Variants in INSL6 observed in about 807,000 individuals in gnomAD.
The protein encoded by INSL6 is insulin like 6, also known as insulin-like peptide INSL6.
A neutral mutation model predicts 9.4 loss-of-function variants in INSL6; 16 were observed. The observed-to-expected ratio is 1.70, with a 90% confidence interval of 1.15 to 2.59. INSL6 has a LOEUF of 2.59. Ranked by LOEUF, INSL6 falls within the 30% of genes most tolerant of loss-of-function variation. INSL6 has a pLI of 0.00. For synonymous variants in INSL6, 154 were observed against 96.9 expected (o/e 1.59, Z -3.46); for missense variants, 391 against 257.3 (o/e 1.52, Z -3.56).
At chr9:5,154,008 T>C (rs185672678) in intron 2 of INSL6, among the ~76,000 whole-genome samples, 4 of 152,338 alleles carry the variant, frequency 2.6e-5, no homozygotes, top group Middle Eastern at 3.4e-3. Context: ...AGAGCCTGCA[T>C]AGCCAAGACA....
chr9:5,033,652 T>C, the INSL6 span, among the ~76,000 whole-genome samples: 1 of 152,260 alleles, frequency 6.6e-6, no homozygotes, highest in African/African-American at 2.4e-5. Context: ...GCTTCATATG[T>C]GAAGGAGAAA....
chr9:5,165,244 G>C (rs1825025193), intron 1 of INSL6, among the ~76,000 whole-genome samples: 1 of 152,162 alleles, frequency 6.6e-6, no homozygotes. Context: ...GCTGCTATGA[G>C]CATTCACACA....
chr9:5,007,918 AG>A, the INSL6 span, among the ~76,000 whole-genome samples: 1 of 151,922 alleles, frequency 6.6e-6, no homozygotes, highest in African/African-American at 2.4e-5. Flanking sequence ...ACTGGAGAAC[AG>A]GGTCTCACTA....
At chr9:5,079,926 A>C in the INSL6 span, among the ~76,000 whole-genome samples, 1 of 152,172 alleles carries the variant, frequency 6.6e-6, no homozygotes, top group Non-Finnish European at 1.5e-5. Context: ...TTGATTCAGA[A>C]CTCACTGTAC....
At chr9:5,109,726 G>A in the INSL6 span, 1 of 152,086 alleles carries the variant, frequency 6.6e-6, no homozygotes, top group Non-Finnish European at 1.5e-5. Flanking sequence ...CTAAGCTTTA[G>A]ACTACTTCTC....
the INSL6 span, among the ~76,000 whole-genome samples, chr9:4,992,961 C>T: frequency 6.6e-6 from 1 of 152,130 alleles, no homozygotes; most frequent in African/African-American, 2.4e-5. Flanking sequence ...TTATCTCCCC[C>T]ACCCCTGCAC....
chr9:5,107,284 A>G, the INSL6 span, among the ~76,000 whole-genome samples: 2 of 152,102 alleles, frequency 1.3e-5, no homozygotes, highest in African/African-American at 4.8e-5. Context: ...ACTACTAATT[A>G]CATTTTTACT....
the INSL6 span, among the ~76,000 whole-genome samples, chr9:5,031,716 G>A: frequency 6.6e-6 from 1 of 152,166 alleles, no homozygotes; most frequent in African/African-American, 2.4e-5. Flanking sequence ...GACTGCAATT[G>A]TCAACTATAA....
the INSL6 span, chr9:5,072,398 T>C: frequency 1.1e-6 from 1 of 893,310 alleles, no homozygotes; most frequent in Admixed American, 3.2e-5. Flanking sequence ...TGCTTATGGA[T>C]TTAAAAAAAT....
At chr9:5,170,064 T>G (rs532185976) in intron 1 of INSL6, among the ~76,000 whole-genome samples, 1 of 152,154 alleles carries the variant, frequency 6.6e-6, no homozygotes, top group African/African-American at 2.4e-5. Context: ...CAGATATAGA[T>G]TCTTCTTGGC....
chr9:5,107,865 T>G, the INSL6 span: 2 of 152,174 alleles, frequency 1.3e-5, no homozygotes, highest in Admixed American at 6.5e-5. Flanking sequence ...GGCCTTGCCT[T>G]ATTAGTTTCA....
At chr9:5,127,251 T>C (rs1824059026) in intron 3 of INSL6, 1 of 232,334 alleles carries the variant, frequency 4.3e-6, no homozygotes, top group Admixed American at 5.6e-5. Flanking sequence ...TGTTTTCTAA[T>C]TTTTCCATAG....
At chr9:5,154,844 T>C (rs1054541254) in intron 2 of INSL6, among the ~76,000 whole-genome samples, 2 of 152,126 alleles carry the variant, frequency 1.3e-5, no homozygotes, top group African/African-American at 4.8e-5. Flanking sequence ...GGAGAGGATG[T>C]GGAGAAACAG....
chr9:5,081,821 T>G, the INSL6 span: 1 of 1,613,630 alleles, frequency 6.2e-7, no homozygotes, highest in Non-Finnish European at 8.5e-7. Flanking sequence ...CCTACACAGT[T>G]TGAAGAGAGA....
At chr9:5,087,549 G>A in the INSL6 span, among the ~76,000 whole-genome samples, 2 of 152,050 alleles carry the variant, frequency 1.3e-5, no homozygotes, top group Admixed American at 6.5e-5. Context: ...TCTTTTCGCT[G>A]TATTTTTCTT....
intron 3 of INSL6, chr9:5,126,520 C>T (rs1824010425): frequency 9.1e-7 from 1 of 1,100,768 alleles, no homozygotes; most frequent in Middle Eastern, 2.0e-4. Flanking sequence ...CAGTTCACTT[C>T]CTGAAATTTA....
rs146310903 is a variant in INSL6, at chr9:5,134,382, C to A, written c.377-790G>T. Among the ~76,000 whole-genome samples the A allele has an allele frequency of 1.1e-3, 174 of 152,260 alleles. 2 individuals are homozygous for A. The highest frequency in any genetic ancestry group is 3.8e-3 in the African/African-American group (159 of 41,554). ...CCTCGAGAAGAGCAACCCCAAGACA[C>A]ATAATTGTCAGATTCACCAAGGTTG... On this transcript the variant is annotated intron_variant, in intron 2 of 3. Transcript: ENST00000649639.
chr9:5,012,410 A>T, the INSL6 span, among the ~76,000 whole-genome samples: 1 of 152,024 alleles, frequency 6.6e-6, no homozygotes, highest in South Asian at 2.1e-4. Flanking sequence ...GTCATCAGGA[A>T]CATTAGTGTA....
chr9:5,114,060 CA>C, the INSL6 span: 12 of 332,602 alleles, frequency 3.6e-5, no homozygotes, highest in Non-Finnish European at 6.6e-5. Context: ...GGCCTCCACA[CA>C]AAGCAAGCTC....
Sources: gnomAD v4.1 joint callset for allele counts (sites outside exome capture counted in the v4.1 genomes callset) on GRCh38, gnomAD v4.1.1 for gene constraint, MANE v1.5 for transcripts, NCBI Gene and HGNC (gene_info 2026-07-23, HGNC 2026-07-21) for gene names.